HOMER1: variants seen among roughly 807,000 people sequenced by gnomAD.
HOMER1 encodes homer scaffold protein 1, also known as homer protein homolog 1.
A neutral mutation model predicts 48.9 loss-of-function variants in HOMER1; 3 were observed. The ratio of observed to expected loss-of-function variants is 0.06; its 90% CI spans 0.03 to 0.16. The LOEUF is 0.16. Ranked by LOEUF, HOMER1 falls within the 10% of genes least tolerant of loss-of-function variation. HOMER1 has a pLI of 1.00. For synonymous variants in HOMER1, 134 were observed against 146.4 expected, an observed-to-expected ratio of 0.92 and a Z score of 0.61; for missense variants, 247 against 411.4, an observed-to-expected ratio of 0.60 and a Z score of 3.46.
intron 8 of HOMER1, among the ~76,000 whole-genome samples, chr5:79,394,019 A>G (rs1749316800): frequency 6.6e-6 from 1 of 152,204 alleles, no homozygotes; most frequent in African/African-American, 2.4e-5. Flanking sequence ...ATTTTATACT[A>G]ACCTTGCTAA....
intron 4 of HOMER1, among the ~76,000 whole-genome samples, chr5:79,444,542 A>T (rs1750824723): frequency 6.6e-6 from 1 of 152,218 alleles, no homozygotes; most frequent in Non-Finnish European, 1.5e-5. Context: ...AGCATCTTTT[A>T]TATATTCCTT....
intron 5 of HOMER1, among the ~76,000 whole-genome samples, chr5:79,403,396 A>T (rs767111002): frequency 6.6e-5 from 10 of 152,190 alleles, no homozygotes; most frequent in Non-Finnish European, 1.3e-4. Context: ...AAAGTTTATC[A>T]CCAGAAATAT....
chr5:79,455,838 A>G (rs922674219), intron 2 of HOMER1, among the ~76,000 whole-genome samples: 2 of 152,126 alleles, frequency 1.3e-5, no homozygotes, highest in Non-Finnish European at 2.9e-5. Context: ...TCTCTAAGTG[A>G]GTTCCATGAA....
chr5:79,510,899 T>C (rs1752924498), intron 1 of HOMER1: 1 of 653,224 alleles, frequency 1.5e-6, no homozygotes. Flanking sequence ...TCAGAGTAGA[T>C]ATCTCTATCT....
chr5:79,475,962 T>C (rs114534902), intron 1 of HOMER1, among the ~76,000 whole-genome samples: 10 of 152,300 alleles, frequency 6.6e-5, no homozygotes, highest in Non-Finnish European at 1.5e-4. Context: ...TAAAATTCAG[T>C]AAAGAGACAA....
intron 4 of HOMER1, among the ~76,000 whole-genome samples, chr5:79,445,552 T>G (rs970370666): frequency 2.0e-4 from 29 of 147,656 alleles, no homozygotes; most frequent in South Asian, 2.1e-4. Flanking sequence ...GTAATACTTT[T>G]GTAAAACCTA....
chr5:79,492,125 GTTA>G (rs1202093614), intron 1 of HOMER1, among the ~76,000 whole-genome samples: 1 of 152,172 alleles, frequency 6.6e-6, no homozygotes, highest in African/African-American at 2.4e-5. Flanking sequence ...TGATAATGAA[GTTA>G]TATCTTGGAT....
intron 1 of HOMER1, among the ~76,000 whole-genome samples, chr5:79,474,381 TCC>T (rs917781257): frequency 6.6e-6 from 1 of 151,912 alleles, no homozygotes. Context: ...CTAAATTCTT[TCC>T]CCCTGTATTA....
intron 3 of HOMER1, among the ~76,000 whole-genome samples, chr5:79,448,335 A>T (rs938477104): frequency 6.6e-6 from 1 of 152,214 alleles, no homozygotes; most frequent in Non-Finnish European, 1.5e-5. Context: ...TCTTACACTA[A>T]TTTAACATTC....
At chr5:79,503,062 C>T (rs1752647737) in intron 1 of HOMER1, among the ~76,000 whole-genome samples, 1 of 152,022 alleles carries the variant, frequency 6.6e-6, no homozygotes, top group Non-Finnish European at 1.5e-5. Flanking sequence ...GCTGGGATTA[C>T]AGGCGTGAGC....
intron 8 of HOMER1, among the ~76,000 whole-genome samples, chr5:79,387,345 T>C (rs186462107): frequency 1.3e-5 from 2 of 152,180 alleles, no homozygotes; most frequent in African/African-American, 4.8e-5. Context: ...CCCAGGCTAG[T>C]TGCAAACTCC....
chr5:79,452,698 C>T (rs187739300), intron 2 of HOMER1, among the ~76,000 whole-genome samples: 1 of 151,986 alleles, frequency 6.6e-6, no homozygotes, highest in Admixed American at 6.6e-5. Flanking sequence ...AAAAAAAAAC[C>T]AGTAAAACAG....
chr5:79,492,907 CTTTTTTTT>C lies in HOMER1; in HGVS notation c.5+19855_5+19862del, dbSNP rs558428061. Among the ~76,000 whole-genome samples the C allele has an allele frequency of 3.8e-3, 318 of 84,032 alleles. 2 individuals carry two copies. Among genetic ancestry groups the C allele is most frequent in the African/African-American group, 0.012 (292 of 23,780 alleles). 55.1% of individuals were successfully genotyped at this position (84,032 alleles called of 152,430 possible). On this transcript the variant is annotated intron_variant, in intron 1 of 8. Transcript: ENST00000334082. ...AGAATGAAGAAAACGAAAACTTTGT[CTTTTTTTT>C]TTTTTTTTTTTTTTTTTTTTAAAGA... is the stretch of plus-strand genomic sequence containing the variant.
chr5:79,399,431 T>A (rs1400211153), intron 6 of HOMER1, among the ~76,000 whole-genome samples: 1 of 152,198 alleles, frequency 6.6e-6, no homozygotes, highest in East Asian at 1.9e-4. Context: ...TCAACAGAGA[T>A]GACAGTTTGA....
intron 8 of HOMER1, among the ~76,000 whole-genome samples, chr5:79,389,745 A>G (rs536438653): frequency 6.6e-6 from 1 of 152,352 alleles, no homozygotes; most frequent in Non-Finnish European, 1.5e-5. Flanking sequence ...TGTTCTTTAT[A>G]AATTACCCAG....
chr5:79,396,954 G>A, intron 7 of HOMER1, 51 bp from the exon 8 acceptor site: 1 of 1,003,398 alleles, frequency 1.0e-6, no homozygotes, highest in Non-Finnish European at 1.5e-6. Flanking sequence ...CAAGGCAAGG[G>A]AAGGTCTTGT....
chr5:79,388,453 GAAATAGA>G (rs1448819016), intron 8 of HOMER1, among the ~76,000 whole-genome samples: 14 of 151,990 alleles, frequency 9.2e-5, no homozygotes, highest in Non-Finnish European at 1.6e-4. Context: ...ATTACAAAAG[GAAATAGA>G]AAATAGAAAA....
At chr5:79,447,874 G>A (rs1398430951) in intron 3 of HOMER1, among the ~76,000 whole-genome samples, 1 of 152,136 alleles carries the variant, frequency 6.6e-6, no homozygotes, top group Admixed American at 6.5e-5. Flanking sequence ...TATTATCAGT[G>A]AGAATAAGTT....
intron 1 of HOMER1, among the ~76,000 whole-genome samples, chr5:79,466,005 G>C (rs965584282): frequency 2.0e-5 from 3 of 152,042 alleles, no homozygotes; most frequent in African/African-American, 4.8e-5. Context: ...TAGCTATAAA[G>C]TATTAAGGAA....
Sources: gnomAD v4.1 joint callset for allele counts (sites outside exome capture counted in the v4.1 genomes callset) on GRCh38, gnomAD v4.1.1 for gene constraint, MANE v1.5 for transcripts, NCBI Gene and HGNC (gene_info 2026-07-23, HGNC 2026-07-21) for gene names.